HNMT: variants seen among roughly 807,000 people sequenced by gnomAD.
The protein encoded by HNMT is histamine N-methyltransferase.
A neutral mutation model predicts 32.1 loss-of-function variants in HNMT; 30 were observed. The ratio of observed to expected loss-of-function variants is 0.93; its 90% CI spans 0.70 to 1.27. The LOEUF is 1.27. Ranked by LOEUF, HNMT falls within the 50% of genes most tolerant of loss-of-function variation. HNMT has a pLI of 0.00. For missense variants in HNMT, 327 were observed against 346.0 expected, an observed-to-expected ratio of 0.95 and a Z score of 0.43; for synonymous variants, 125 against 119.0, an observed-to-expected ratio of 1.05 and a Z score of -0.33.
In HNMT at chr2:138,014,150, A is replaced by C. The variant is rs1482117306; in HGVS notation, c.*20A>C. ...GCATAACTATCAATCACAAAAGTAT[A>C]TTCAAAAATTATATTTTGAACAACT... On this transcript the variant is annotated 3_prime_UTR_variant, in exon 6 of 6. Transcript: ENST00000280097. 7.3e-7 allele frequency: 1 copy of C among 1,375,006 alleles called. No homozygotes were observed. The highest frequency in any genetic ancestry group is 2.3e-5 in the East Asian group (1 of 43,274). 85.2% of individuals were successfully genotyped at this position (1,375,006 alleles called of 1,614,324 possible). A position where few individuals can be genotyped will look rare whatever the true frequency, so the allele number is the denominator to read the frequency against.
At chr2:137,986,473 C>G (rs1253361141) in intron 2 of HNMT, among the ~76,000 whole-genome samples, 1 of 152,036 alleles carries the variant, frequency 6.6e-6, no homozygotes, top group Non-Finnish European at 1.5e-5. Flanking sequence ...ATGACCAGTT[C>G]CAGCTCAAGC....
rs56391028 is a variant in HNMT at position 138,010,441 on chromosome 2, GCACACACA to G, written c.524-3299_524-3292del. ...AAAAGGCTCAATAAAAAAGACACAC[GCACACACA>G]CACACACACACACACACACACACAC... On this transcript the variant is annotated intron_variant, in intron 5 of 5. Coordinates refer to ENST00000280097, the MANE Select transcript of HNMT (RefSeq NM_006895.3). Among the ~76,000 whole-genome samples the G allele has an allele frequency of 7.3e-3, 916 of 125,676 alleles. 15 individuals are homozygous for G. The highest frequency in any genetic ancestry group is 0.024 in the African/African-American group (845 of 35,786). 82.4% of individuals were successfully genotyped at this position (125,676 alleles called of 152,430 possible). A position where few individuals can be genotyped will look rare whatever the true frequency, so the allele number is the denominator to read the frequency against.
At chr2:137,981,180 CCA>C (rs760617192) in intron 2 of HNMT, 27 of 1,597,056 alleles carry the variant, frequency 1.7e-5, no homozygotes, top group Non-Finnish European at 2.2e-5. Context: ...GGAGATATGG[CCA>C]CAGTCTTTAA....
intron 2 of HNMT, chr2:137,981,471 A>T: frequency 1.0e-6 from 1 of 1,003,616 alleles, no homozygotes; most frequent in Non-Finnish European, 1.5e-6. Context: ...TTCACACCGC[A>T]GCTTCCCCTT....
intron 1 of HNMT, among the ~76,000 whole-genome samples, chr2:137,969,139 C>T (rs562547058): frequency 1.8e-4 from 28 of 152,294 alleles, no homozygotes; most frequent in Admixed American, 2.6e-4. Flanking sequence ...GCCATGACGA[C>T]GGGCTTTCTC....
At chr2:138,002,226 A>G in intron 4 of HNMT, 32 bp downstream of exon 4, 2 of 1,365,018 alleles carry the variant, frequency 1.5e-6, no homozygotes, top group Non-Finnish European at 9.9e-7. Context: ...ATATACTCAG[A>G]AAGAAGACTT....
At chr2:137,969,089 G>A (rs1222278498) in intron 1 of HNMT, among the ~76,000 whole-genome samples, 1 of 152,158 alleles carries the variant, frequency 6.6e-6, no homozygotes, top group Middle Eastern at 3.2e-3. Flanking sequence ...AAATTCGATG[G>A]AGATTTTTCC....
chr2:137,988,124 G>A (rs539374563), intron 2 of HNMT, among the ~76,000 whole-genome samples: 1 of 152,296 alleles, frequency 6.6e-6, no homozygotes, highest in East Asian at 1.9e-4. Flanking sequence ...AACTGTGAGT[G>A]ATGAGAATAA....
chr2:137,983,845 T>C (rs114140335), intron 2 of HNMT, among the ~76,000 whole-genome samples: 8 of 152,350 alleles, frequency 5.3e-5, no homozygotes, highest in Admixed American at 1.3e-4. Context: ...ATTTATAACC[T>C]GCCCTTAGGC....
At chr2:138,000,280 CAT>C (rs1253690836) in intron 2 of HNMT, among the ~76,000 whole-genome samples, 4 of 152,136 alleles carry the variant, frequency 2.6e-5, no homozygotes, top group Admixed American at 2.0e-4. Context: ...CATGAAGCAT[CAT>C]CACTCTGGCA....
Position 137,989,108 on chromosome 2 carries a change from T to G in HNMT, c.191-11810T>G, listed in dbSNP as rs926915751. On this transcript the variant is annotated intron_variant, in intron 2 of 5. Coordinates refer to ENST00000280097, the MANE Select transcript of HNMT (RefSeq NM_006895.3). ...TAATTACTAGAAGCTCATAGTTTAC[T>G]TTAGGGTTTCCTTTTGGTGTTGTAT... 1.1e-4 allele frequency among the ~76,000 whole-genome samples: 16 copies of G among 152,314 alleles called. No homozygotes were observed. In the East Asian group the frequency reaches 2.9e-3, roughly 28 times the overall value.
intron 2 of HNMT, among the ~76,000 whole-genome samples, chr2:137,973,771 GT>G (rs11399875): frequency 1.3e-5 from 2 of 150,772 alleles, no homozygotes; most frequent in African/African-American, 2.4e-5. Context: ...AATTCTCATG[GT>G]TTTTTTTGGG....
chr2:138,001,515 C>A (rs920389352), intron 3 of HNMT, among the ~76,000 whole-genome samples: 1 of 152,124 alleles, frequency 6.6e-6, no homozygotes, highest in Admixed American at 6.6e-5. Flanking sequence ...TTGAATAAAA[C>A]TTTATTTGTA....
chr2:138,003,679 C>A (rs75341612), intron 4 of HNMT, among the ~76,000 whole-genome samples: 5 of 152,032 alleles, frequency 3.3e-5, no homozygotes, highest in African/African-American at 9.7e-5. Flanking sequence ...CCAGACCATT[C>A]GTTCTGAGCC....
intron 2 of HNMT, among the ~76,000 whole-genome samples, chr2:137,975,934 A>G (rs146783995): frequency 1.8e-4 from 28 of 152,274 alleles, no homozygotes; most frequent in Admixed American, 8.5e-4. Flanking sequence ...CAAAGCGCCA[A>G]TGGTTGAAAG....
chr2:137,971,409 A>C (rs1054205944), intron 2 of HNMT, among the ~76,000 whole-genome samples: 2 of 152,106 alleles, frequency 1.3e-5, no homozygotes, highest in African/African-American at 4.8e-5. Flanking sequence ...CAAACTCCTG[A>C]CCTTGTGATC....
intron 2 of HNMT, among the ~76,000 whole-genome samples, chr2:137,995,043 T>TA (rs1406097313): frequency 1.3e-5 from 2 of 152,006 alleles, no homozygotes; most frequent in Non-Finnish European, 1.5e-5. Flanking sequence ...TTATAGCACT[T>TA]AAATGCCCCC....
chr2:137,993,877 A>G (rs949479978), intron 2 of HNMT, among the ~76,000 whole-genome samples: 1 of 152,188 alleles, frequency 6.6e-6, no homozygotes, highest in Non-Finnish European at 1.5e-5. Context: ...AACATTCTTA[A>G]AGAAAAAAAA....
intron 2 of HNMT, among the ~76,000 whole-genome samples, chr2:137,986,795 C>T (rs1680664782): frequency 6.6e-6 from 1 of 151,972 alleles, no homozygotes; most frequent in Admixed American, 6.6e-5. Context: ...CATTAGATAA[C>T]TCTTGATTTG....
Sources: gnomAD v4.1 joint callset for allele counts (sites outside exome capture counted in the v4.1 genomes callset) on GRCh38, gnomAD v4.1.1 for gene constraint, MANE v1.5 for transcripts, NCBI Gene and HGNC (gene_info 2026-07-23, HGNC 2026-07-21) for gene names.